ALK: variants seen among roughly 807,000 people sequenced by gnomAD.
The protein encoded by ALK is ALK receptor tyrosine kinase.
ALK carries 74 observed loss-of-function variants against 163.1 expected under a neutral mutation model. The ratio of observed to expected loss-of-function variants is 0.45; its 90% CI spans 0.38 to 0.55. The LOEUF (loss-of-function observed/expected upper bound fraction) is 0.55. Ranked by LOEUF, ALK falls within the 20% of genes least tolerant of loss-of-function variation. ALK has a pLI of 0.00. For synonymous variants in ALK, 960 were observed against 843.2 expected, an observed-to-expected ratio of 1.14 and a Z score of -2.40; for missense variants, 2,063 against 2,105.3, an observed-to-expected ratio of 0.98 and a Z score of 0.39.
chr2:29,343,409 C>T (rs1667858898), intron 5 of ALK, among the ~76,000 whole-genome samples: 1 of 151,158 alleles, frequency 6.6e-6, no homozygotes, highest in South Asian at 2.1e-4. Context: ...GAGATGGGGT[C>T]TCCCTATTTT....
At chr2:29,621,240 GA>G (rs200417090) in intron 3 of ALK, among the ~76,000 whole-genome samples, 23 of 148,702 alleles carry the variant, frequency 1.5e-4, no homozygotes, top group South Asian at 8.6e-4. Context: ...TCTGAGGTGA[GA>G]AAAAAAAAAC....
chr2:29,355,925 T>C (rs1395254410), intron 5 of ALK, among the ~76,000 whole-genome samples: 1 of 152,174 alleles, frequency 6.6e-6, no homozygotes, highest in Non-Finnish European at 1.5e-5. Flanking sequence ...CTGGAGCCAA[T>C]TGTGTGCATC....
chr2:29,455,329 T>A (rs142364864), intron 4 of ALK, among the ~76,000 whole-genome samples: 198 of 152,234 alleles, frequency 1.3e-3, no homozygotes, highest in African/African-American at 4.7e-3. Context: ...AGCTGTGTCA[T>A]CTGTCAGATG....
intron 1 of ALK, among the ~76,000 whole-genome samples, chr2:29,742,558 T>C (rs1558468519): frequency 1.3e-5 from 2 of 152,206 alleles, no homozygotes; most frequent in African/African-American, 2.4e-5. Flanking sequence ...TATATCTGTA[T>C]GTTAGATTCT....
At chr2:29,752,810 A>G (rs1230040017) in intron 1 of ALK, among the ~76,000 whole-genome samples, 4 of 152,194 alleles carry the variant, frequency 2.6e-5, no homozygotes, top group Admixed American at 2.6e-4. Flanking sequence ...CAGTCTTGTC[A>G]TCTGAGCCAG....
At chr2:29,200,593 C>G (rs1482114583) in intron 26 of ALK, among the ~76,000 whole-genome samples, 1 of 151,352 alleles carries the variant, frequency 6.6e-6, no homozygotes, top group Non-Finnish European at 1.5e-5. Flanking sequence ...ATCTAGAAAC[C>G]CTACAGATGA....
chr2:29,275,356 G>A (rs1347535094), intron 10 of ALK, 46 bp downstream of exon 10: 3 of 1,609,248 alleles, frequency 1.9e-6, no homozygotes, highest in Admixed American at 1.7e-5. Context: ...GAGGCCATGG[G>A]CCATGGGGGT....
rs1400737718 is a variant in ALK at position 29,673,920 on chromosome 2, A to AT, written c.952+20929dup. On this transcript the variant is annotated intron_variant, in intron 3 of 28. Transcript: ENST00000389048. ...TCCCTTGTAAGTTGGATTCCTAGGT[A>AT]TTTTATTCTCTTTGAAGCAATTGTG... Among the ~76,000 whole-genome samples, 5 of 148,762 alleles carry AT rather than the reference A, an allele frequency of 3.4e-5. No homozygotes were observed. The East Asian group carries it at 9.9e-4, about 29-fold the overall frequency.
intron 1 of ALK, among the ~76,000 whole-genome samples, chr2:29,795,424 C>T (rs537073311): frequency 6.6e-6 from 1 of 152,102 alleles, no homozygotes; most frequent in Non-Finnish European, 1.5e-5. Context: ...AAATATAGAT[C>T]GCCTTTACAA....
chr2:29,268,846 C>T (rs771018468), intron 11 of ALK, among the ~76,000 whole-genome samples: 5 of 152,144 alleles, frequency 3.3e-5, no homozygotes, highest in Non-Finnish European at 7.3e-5. Context: ...TCTTTCTGAT[C>T]CTCTGTTTCC....
intron 3 of ALK, among the ~76,000 whole-genome samples, chr2:29,548,836 GT>G (rs1170537810): frequency 1.3e-5 from 2 of 152,156 alleles, no homozygotes; most frequent in Non-Finnish European, 2.9e-5. Context: ...TGGGGGGGAT[GT>G]TTTTCCTTTT....
chr2:29,296,823 C>A, intron 9 of ALK, 65 bp downstream of exon 9: 2 of 1,605,038 alleles, frequency 1.2e-6, no homozygotes, highest in Non-Finnish European at 1.7e-6. Flanking sequence ...AAAGGGAAGG[C>A]ATGATTTCTT....
chr2:29,714,081 T>A (rs1679181706), intron 2 of ALK, among the ~76,000 whole-genome samples: 1 of 152,126 alleles, frequency 6.6e-6, no homozygotes, highest in Admixed American at 6.5e-5. Flanking sequence ...ATGGAACAGA[T>A]TTTTATCTGA....
At chr2:29,456,451 A>C (rs1042339016) in intron 4 of ALK, among the ~76,000 whole-genome samples, 1 of 152,234 alleles carries the variant, frequency 6.6e-6, no homozygotes, top group Non-Finnish European at 1.5e-5. Context: ...AAGTGAAATA[A>C]GCCAGTCACA....
intron 12 of ALK, among the ~76,000 whole-genome samples, chr2:29,249,148 C>T (rs901991037): frequency 4.6e-5 from 7 of 152,286 alleles, no homozygotes; most frequent in East Asian, 1.9e-4. Flanking sequence ...CACACTGTCT[C>T]GGGGGAACAC....
At chr2:29,517,366 T>A (rs144062742) in intron 4 of ALK, among the ~76,000 whole-genome samples, 1 of 152,252 alleles carries the variant, frequency 6.6e-6, no homozygotes, top group East Asian at 1.9e-4. Flanking sequence ...TGGGTCATTA[T>A]ATCTCTGAAC....
At chr2:29,738,991 C>T (rs1340913118) in intron 1 of ALK, among the ~76,000 whole-genome samples, 1 of 151,918 alleles carries the variant, frequency 6.6e-6, no homozygotes, top group East Asian at 1.9e-4. Context: ...AATCCCAGTG[C>T]TTTGGGAAGC....
chr2:29,383,019 GGA>G (rs1387285601), intron 5 of ALK, among the ~76,000 whole-genome samples: 2 of 152,118 alleles, frequency 1.3e-5, no homozygotes, highest in East Asian at 1.9e-4. Flanking sequence ...GCCTGTACAT[GGA>G]ACAGATGACT....
chr2:29,886,314 T>C (rs1240280831), intron 1 of ALK, among the ~76,000 whole-genome samples: 1 of 152,252 alleles, frequency 6.6e-6, no homozygotes, highest in African/African-American at 2.4e-5. Context: ...GGAAGTCAAA[T>C]GTTCTACTTG....
Sources: allele counts gnomAD v4.1 joint callset (sites outside exome capture counted in the v4.1 genomes callset), GRCh38; gene constraint gnomAD v4.1.1; transcripts MANE v1.5; gene names NCBI Gene and HGNC (gene_info 2026-07-23, HGNC 2026-07-21).